Variants in NKAIN2 observed in about 807,000 individuals in gnomAD.
NKAIN2 encodes sodium/potassium-transporting ATPase subunit beta-1-interacting protein 2.
NKAIN2 carries 14 observed loss-of-function variants against 32.6 expected under a neutral mutation model. The ratio of observed to expected loss-of-function variants is 0.43; its 90% CI spans 0.28 to 0.67. The LOEUF (loss-of-function observed/expected upper bound fraction) is 0.67, where lower values mean the gene tolerates loss of function less well. Among genes scored for constraint, NKAIN2 ranks in the 30% least tolerant of loss-of-function variants. The probability of loss-of-function intolerance (pLI) is 0.17; values close to 1 mark genes in which losing one functional copy is unlikely to be tolerated. For missense variants in NKAIN2, 198 were observed against 258.3 expected, an observed-to-expected ratio of 0.77 and a Z score of 1.60; for synonymous variants, 80 against 87.2, an observed-to-expected ratio of 0.92 and a Z score of 0.46.
chr6:123,858,201 C>T (rs1448971015), intron 1 of NKAIN2, among the ~76,000 whole-genome samples: 6 of 151,818 alleles, frequency 4.0e-5, no homozygotes, highest in South Asian at 2.1e-4. Context: ...CTGCAACCTC[C>T]GCGTCCCGGG....
chr6:124,173,966 A>G (rs1429651451), intron 1 of NKAIN2, among the ~76,000 whole-genome samples: 3 of 152,146 alleles, frequency 2.0e-5, no homozygotes, highest in Admixed American at 2.0e-4. Flanking sequence ...GCCGAAGGAT[A>G]CTGTTTACAT....
At chr6:124,078,012 C>T (rs1030343262) in intron 1 of NKAIN2, among the ~76,000 whole-genome samples, 41 of 152,120 alleles carry the variant, frequency 2.7e-4, no homozygotes, top group African/African-American at 9.7e-4. Context: ...TTGCATTCTA[C>T]TCCACATGAC....
In NKAIN2 at chr6:124,409,613, T is replaced by A. The variant is rs571148452; in HGVS notation, c.273+54266T>A. Among the ~76,000 whole-genome samples, 948 of 152,300 alleles carry A rather than the reference T, an allele frequency of 6.2e-3. 8 individuals are homozygous for A. Among genetic ancestry groups the A allele is most frequent in the African/African-American group, 0.022 (898 of 41,560 alleles). On this transcript the variant is annotated intron_variant, in intron 3 of 6. Coordinates refer to ENST00000368417, the MANE Select transcript of NKAIN2 (RefSeq NM_001040214.3). ...CGGTTTGCCAGTATTTTATTGAGGA[T>A]TTTTGCATCAATGTTCATCAAGGAT...
At chr6:124,725,129 C>G (rs7768327) in intron 4 of NKAIN2, among the ~76,000 whole-genome samples, 85,967 of 152,124 alleles carry the variant, frequency 0.57, 24,700 homozygotes, top group East Asian at 0.72. Context: ...AATGAACCAT[C>G]ATGTTAAGTA....
intron 1 of NKAIN2, among the ~76,000 whole-genome samples, chr6:124,101,578 G>T (rs1400979001): frequency 7.3e-5 from 11 of 151,386 alleles, no homozygotes; most frequent in Non-Finnish European, 1.6e-4. Context: ...GGTTTTTTTT[G>T]TTTGTTTGTT....
chr6:124,444,376 T>C (rs540110741), intron 3 of NKAIN2, among the ~76,000 whole-genome samples: 10 of 152,194 alleles, frequency 6.6e-5, no homozygotes, highest in African/African-American at 2.4e-4. Context: ...GATTTGATTC[T>C]ACATATTTTA....
intron 1 of NKAIN2, among the ~76,000 whole-genome samples, chr6:123,814,150 G>T (rs183728448): frequency 5.5e-4 from 84 of 152,262 alleles, no homozygotes; most frequent in Non-Finnish European, 2.1e-4. Flanking sequence ...TACAAGGCAG[G>T]GGGTGGAGGG....
chr6:124,089,151 T>C (rs1358836829), intron 1 of NKAIN2, among the ~76,000 whole-genome samples: 1 of 151,996 alleles, frequency 6.6e-6, no homozygotes, highest in Non-Finnish European at 1.5e-5. Context: ...TTACAGAGTA[T>C]ATTCCGTATA....
chr6:123,998,174 AT>A (rs1779711141), intron 1 of NKAIN2, among the ~76,000 whole-genome samples: 1 of 152,168 alleles, frequency 6.6e-6, no homozygotes, highest in African/African-American at 2.4e-5. Context: ...ACCTATCAAA[AT>A]ATATAACTCA....
chr6:124,263,745 A>G (rs1489150698), intron 1 of NKAIN2, among the ~76,000 whole-genome samples: 2 of 151,988 alleles, frequency 1.3e-5, no homozygotes, highest in Non-Finnish European at 2.9e-5. Context: ...TGACAACACC[A>G]TCTGCCAGCT....
intron 4 of NKAIN2, among the ~76,000 whole-genome samples, chr6:124,728,771 TG>T (rs1183319376): frequency 6.6e-6 from 1 of 151,838 alleles, no homozygotes; most frequent in Non-Finnish European, 1.5e-5. Context: ...AACCAGGAGC[TG>T]GTTTTTTGAA....
chr6:124,045,456 A>G (rs1382771382), intron 1 of NKAIN2, among the ~76,000 whole-genome samples: 1 of 152,034 alleles, frequency 6.6e-6, no homozygotes. Flanking sequence ...TTACACTTCC[A>G]ATTAATATTA....
chr6:124,355,178 A>G, intron 2 of NKAIN2, 89 bp from the exon 3 acceptor site: 1 of 774,544 alleles, frequency 1.3e-6, no homozygotes, highest in South Asian at 1.5e-5. Context: ...CTAATCTTAT[A>G]TTAGGGTGTG....
chr6:124,778,139 A>T (rs1409894200), intron 4 of NKAIN2, among the ~76,000 whole-genome samples: 1 of 152,108 alleles, frequency 6.6e-6, no homozygotes, highest in Non-Finnish European at 1.5e-5. Context: ...AAAAATGCAA[A>T]CAGCTTGCTC....
At chr6:123,805,390 C>T (rs545643236) in intron 1 of NKAIN2, among the ~76,000 whole-genome samples, 18 of 152,288 alleles carry the variant, frequency 1.2e-4, no homozygotes, top group African/African-American at 4.3e-4. Context: ...TCGTGAAGCC[C>T]ATGAGTGTTA....
chr6:124,652,837 G>A (rs374166926), intron 3 of NKAIN2, among the ~76,000 whole-genome samples: 16 of 152,262 alleles, frequency 1.1e-4, no homozygotes, highest in African/African-American at 3.6e-4. Flanking sequence ...CCATTGGTGA[G>A]CCTGGAGTCC....
intron 3 of NKAIN2, among the ~76,000 whole-genome samples, chr6:124,450,786 A>C (rs888341284): frequency 1.3e-5 from 2 of 152,056 alleles, no homozygotes; most frequent in Non-Finnish European, 2.9e-5. Flanking sequence ...GCATAATTTT[A>C]ATTTAATTTT....
intron 1 of NKAIN2, among the ~76,000 whole-genome samples, chr6:124,139,835 TTC>T (rs1005068514): frequency 6.6e-6 from 1 of 152,232 alleles, no homozygotes; most frequent in Non-Finnish European, 1.5e-5. Flanking sequence ...GGATATTTAT[TTC>T]TCTTTCCTTT....
intron 1 of NKAIN2, among the ~76,000 whole-genome samples, chr6:123,928,726 C>T (rs556062362): frequency 5.8e-4 from 88 of 152,228 alleles, no homozygotes; most frequent in African/African-American, 2.1e-3. Flanking sequence ...ACATAGTCTA[C>T]TGTATGAATC....
Sources: gnomAD v4.1 joint callset for allele counts (sites outside exome capture counted in the v4.1 genomes callset) on GRCh38, gnomAD v4.1.1 for gene constraint, MANE v1.5 for transcripts, NCBI Gene and HGNC (gene_info 2026-07-23, HGNC 2026-07-21) for gene names.